The following FRMD4A variants were observed in gnomAD, a reference collection of about 807,000 sequenced individuals.
FRMD4A encodes FERM domain containing 4A.
In FRMD4A, 29 loss-of-function variants were observed where a neutral mutation model predicts 129.1. The ratio of observed to expected loss-of-function variants is 0.22; its 90% CI spans 0.17 to 0.31. The LOEUF is 0.31. FRMD4A is among the 10% of genes least tolerant of loss of function. The pLI is 1.00. For missense variants in FRMD4A, 1,272 were observed against 1,375.8 expected, an observed-to-expected ratio of 0.92 and a Z score of 1.19; for synonymous variants, 634 against 571.6, an observed-to-expected ratio of 1.11 and a Z score of -1.56.
At chr10:13,848,157 A>G (rs980550209) in intron 3 of FRMD4A, among the ~76,000 whole-genome samples, 1 of 152,208 alleles carries the variant, frequency 6.6e-6, no homozygotes, top group Non-Finnish European at 1.5e-5. Flanking sequence ...TTAATGTCCT[A>G]TCCTGAGGCT....
intron 2 of FRMD4A, among the ~76,000 whole-genome samples, chr10:13,875,902 G>T (rs2094484424): frequency 6.6e-6 from 1 of 152,210 alleles, no homozygotes; most frequent in Non-Finnish European, 1.5e-5. Context: ...CCAAATGGGG[G>T]TTCGGGGGAA....
intron 2 of FRMD4A, among the ~76,000 whole-genome samples, chr10:14,248,480 A>AT (rs5783388): frequency 0.92 from 140,730 of 152,142 alleles, 65,585 homozygotes; most frequent in East Asian, 1. Flanking sequence ...CATTCAATTC[A>AT]TTTTTTACAG....
chr10:14,313,886 T>C (rs1846643612), intron 2 of FRMD4A, among the ~76,000 whole-genome samples: 1 of 152,228 alleles, frequency 6.6e-6, no homozygotes, highest in Non-Finnish European at 1.5e-5. Context: ...TGTATATTCT[T>C]CCCTACAGGA....
In FRMD4A at chr10:13,891,210, G is replaced by C. The variant is rs574302318; in HGVS notation, c.46-32298C>G. Reference sequence around the variant, plus strand: ...TCCATCTTAGCAGCCCCGGGCACCGGCGATCGGCTGCTGGCCCCCGCCACC... The same window carrying C: ...TCCATCTTAGCAGCCCCGGGCACCGCCGATCGGCTGCTGGCCCCCGCCACC... On this transcript the variant is annotated intron_variant, in intron 2 of 24. Coordinates refer to ENST00000357447, the MANE Select transcript of FRMD4A (RefSeq NM_018027.5). Among the ~76,000 whole-genome samples the C allele has an allele frequency of 2.0e-5, 3 of 152,190 alleles. No homozygotes were observed. The South Asian group carries it at 6.2e-4, about 32-fold the overall frequency.
At chr10:13,963,099 A>C (rs140639454) in intron 2 of FRMD4A, among the ~76,000 whole-genome samples, 1 of 152,220 alleles carries the variant, frequency 6.6e-6, no homozygotes. Context: ...GTTGCAAACG[A>C]CAGGGTGAGT....
chr10:14,075,789 T>C (rs12782134), intron 2 of FRMD4A, among the ~76,000 whole-genome samples: 6 of 152,080 alleles, frequency 3.9e-5, no homozygotes, highest in African/African-American at 1.2e-4. Flanking sequence ...CACACACACA[T>C]ATATATAAAC....
intron 2 of FRMD4A, chr10:13,992,131 A>G (rs776236895): frequency 6.6e-6 from 1 of 152,234 alleles, no homozygotes; most frequent in Non-Finnish European, 1.5e-5. Flanking sequence ...GTGCTTATAG[A>G]TGTTTCTTCT....
intron 2 of FRMD4A, among the ~76,000 whole-genome samples, chr10:14,181,338 G>A (rs1434091745): frequency 1.3e-5 from 2 of 152,012 alleles, no homozygotes; most frequent in African/African-American, 4.8e-5. Context: ...TTGTCAAGAG[G>A]GAGAAGAAAA....
chr10:14,260,810 A>G (rs557988513), intron 2 of FRMD4A, among the ~76,000 whole-genome samples: 3 of 152,326 alleles, frequency 2.0e-5, no homozygotes, highest in African/African-American at 4.8e-5. Flanking sequence ...AAAATAAAAC[A>G]TGAATATGGG....
At chr10:14,245,975 C>T (rs886411968) in intron 2 of FRMD4A, among the ~76,000 whole-genome samples, 4 of 152,286 alleles carry the variant, frequency 2.6e-5, no homozygotes, top group Admixed American at 6.5e-5. Flanking sequence ...CACAGCAGCA[C>T]AGCAGCCACA....
intron 2 of FRMD4A, among the ~76,000 whole-genome samples, chr10:13,984,140 C>G (rs1039677301): frequency 3.9e-5 from 6 of 152,124 alleles, no homozygotes; most frequent in African/African-American, 1.4e-4. Flanking sequence ...GTGCTTTCTG[C>G]AGGGGGCACG....
At chr10:13,888,207 C>G (rs1317618192) in intron 2 of FRMD4A, among the ~76,000 whole-genome samples, 1 of 152,180 alleles carries the variant, frequency 6.6e-6, no homozygotes, top group Non-Finnish European at 1.5e-5. Context: ...ATCCAGCACG[C>G]CCTTCCCCAC....
At chr10:13,834,209 G>A (rs1261502874) in intron 3 of FRMD4A, among the ~76,000 whole-genome samples, 4 of 151,972 alleles carry the variant, frequency 2.6e-5, no homozygotes, top group Non-Finnish European at 5.9e-5. Flanking sequence ...GGTTGCAGTG[G>A]GCTGAGATTG....
At chr10:14,063,028 G>A (rs1834886579) in intron 2 of FRMD4A, among the ~76,000 whole-genome samples, 1 of 152,174 alleles carries the variant, frequency 6.6e-6, no homozygotes, top group Non-Finnish European at 1.5e-5. Flanking sequence ...TTCATTGACA[G>A]TGCTTCTCAT....
chr10:14,313,599 T>C (rs1846633834), intron 2 of FRMD4A, among the ~76,000 whole-genome samples: 1 of 145,662 alleles, frequency 6.9e-6, no homozygotes, highest in Non-Finnish European at 1.5e-5. Flanking sequence ...ATTCCAGCTA[T>C]TTGGTAACTA....
intron 2 of FRMD4A, among the ~76,000 whole-genome samples, chr10:14,167,831 G>A (rs777976329): frequency 7.2e-5 from 11 of 152,062 alleles, no homozygotes; most frequent in East Asian, 3.9e-4. Flanking sequence ...AGAGGAGAGC[G>A]CGCTGTAAGA....
In FRMD4A at chr10:13,798,401, C is replaced by CT. The variant is rs529998228; in HGVS notation, c.207-1814dup. Among the ~76,000 whole-genome samples, 55 of 150,118 alleles carry CT rather than the reference C, an allele frequency of 3.7e-4. No individual in the cohort carries two copies. In the South Asian group the frequency reaches 0.011, roughly 30 times the overall value. On this transcript the variant is annotated intron_variant, in intron 4 of 24. Transcript: ENST00000357447. The stretch of plus-strand genomic sequence containing the variant: ...CACTCTAGCCTAGGCGACAGAGACT[C>CT]TGTCTCAAGAAAAAATAAATAAATA...
At chr10:13,743,564 G>T (rs1452742606) in intron 9 of FRMD4A, among the ~76,000 whole-genome samples, 2 of 152,118 alleles carry the variant, frequency 1.3e-5, no homozygotes, top group African/African-American at 4.8e-5. Context: ...GTGAAAGAAA[G>T]TCAAAACCAC....
intron 2 of FRMD4A, among the ~76,000 whole-genome samples, chr10:13,937,013 T>C (rs955920421): frequency 1.3e-5 from 2 of 152,214 alleles, no homozygotes; most frequent in African/African-American, 4.8e-5. Flanking sequence ...CAGGCATGCA[T>C]TGCCCTTCTG....
Sources: gnomAD v4.1 joint callset for allele counts (sites outside exome capture counted in the v4.1 genomes callset) on GRCh38, gnomAD v4.1.1 for gene constraint, MANE v1.5 for transcripts, NCBI Gene and HGNC (gene_info 2026-07-23, HGNC 2026-07-21) for gene names.